Variants in ZNF155 observed in about 807,000 individuals in gnomAD.
ZNF155 encodes zinc finger protein 155.
In ZNF155, 15 loss-of-function variants were observed where a neutral mutation model predicts 11.9. That is an observed-to-expected ratio of 1.26 (90% CI 0.84 to 1.94). ZNF155 has a LOEUF of 1.94. Among genes scored for constraint, ZNF155 ranks in the 30% most tolerant of loss-of-function variants. The pLI, the probability that ZNF155 is intolerant of heterozygous loss-of-function variation, is 0.00. For missense variants in ZNF155, 602 were observed against 639.1 expected (o/e 0.94, Z 0.63); for synonymous variants, 212 against 219.9 (o/e 0.96, Z 0.32).
chr19:43,996,972 A>G lies in ZNF155; in HGVS notation c.1115A>G (p.Tyr372Cys), dbSNP rs766588468. ...GTGGTCCACACAGGAGAAAAACCAT[A>G]TAATTGTAAAGAATGTGGGAAGAGC... ...HQVVHTGEKP[Y>C]NCKECGKSFR... Residue 372 changes from tyrosine (Y) to cysteine (C), a missense_variant, in exon 5 of 5, where the codon TAT becomes TGT. By Grantham distance (194) the Tyr-to-Cys change is radical. Coordinates refer to ENST00000270014, the MANE Select transcript of ZNF155 (RefSeq NM_198089.3). The G allele has an allele frequency of 1.2e-4, 195 of 1,614,052 alleles. No individual in the cohort carries two copies. Among genetic ancestry groups the G allele is most frequent in the South Asian group, 6.0e-4 (55 of 91,084 alleles).
intron 4 of ZNF155, among the ~76,000 whole-genome samples, chr19:43,993,131 G>A (rs1299509128): frequency 1.3e-5 from 2 of 152,170 alleles, no homozygotes; most frequent in African/African-American, 2.4e-5. Flanking sequence ...GTACTAGAAG[G>A]GGGAAGAATG....
chr19:43,988,820 C>G, intron 2 of ZNF155: 1 of 357,310 alleles, frequency 2.8e-6, no homozygotes, highest in Non-Finnish European at 5.0e-6. Flanking sequence ...CCTCCCCTCT[C>G]TCAAATTATC....
At position 43,996,665 on chromosome 19, in the gene ZNF155, A is replaced by C; in HGVS notation, c.808A>C (p.Ile270Leu). Residue 270 changes from isoleucine to leucine, a missense_variant, in exon 5 of 5, where the codon ATT becomes CTT. Coordinates refer to ENST00000270014, the MANE Select transcript of ZNF155 (RefSeq NM_198089.3). Reference protein sequence around the residue: ...YICEACGKAFIHDSQLKEHKR... With the variant: ...YICEACGKAFLHDSQLKEHKR... ...TTGTGAGGCATGTGGGAAGGCCTTC[A>C]TTCATGATTCCCAGCTTAAGGAACA... 6.2e-7 allele frequency: 1 copy of C among 1,614,106 alleles called. No homozygotes were observed. Among genetic ancestry groups the C allele is most frequent in the Non-Finnish European group, 8.5e-7 (1 of 1,180,006 alleles).
chr19:43,990,287 G>A (rs1299134570), intron 2 of ZNF155, among the ~76,000 whole-genome samples: 1 of 152,066 alleles, frequency 6.6e-6, no homozygotes, highest in African/African-American at 2.4e-5. Context: ...GATTGATAAT[G>A]GAAAATATGT....
intron 2 of ZNF155, among the ~76,000 whole-genome samples, chr19:43,990,820 A>G (rs894875853): frequency 2.0e-4 from 30 of 152,348 alleles, no homozygotes; most frequent in African/African-American, 7.0e-4. Context: ...AAGGGAGCAC[A>G]GGAGTGTAGG....
chr19:43,985,525 C>A (rs995911001), intron 1 of ZNF155, among the ~76,000 whole-genome samples: 2 of 118,200 alleles, frequency 1.7e-5, no homozygotes, highest in African/African-American at 5.9e-5. Flanking sequence ...AAAGGTATTG[C>A]TCTTTTTCTT....
Position 43,997,085 on chromosome 19 carries a change from T to G in ZNF155, c.1228T>G (p.Tyr410Asp), listed in dbSNP as rs1975914429. Residue 410 changes from tyrosine (Y) to aspartate (D), a missense_variant, in exon 5 of 5, where the codon TAT becomes GAT. Physicochemically the swap from Tyr to Asp is radical, Grantham distance 160 (BLOSUM62 -3). Transcript: ENST00000270014. ...ATGTGAAGAATGTGGAAAGGGATTT[T>G]ATACAAATTCACAACTGTCTTCCCA... ...FKCEECGKGF[Y>D]TNSQLSSHQR... is the part of the protein sequence containing the mutation. 1 of 1,613,368 alleles carries G rather than the reference T, an allele frequency of 6.2e-7. No homozygotes were observed. The highest frequency in any genetic ancestry group is 1.3e-5 in the African/African-American group (1 of 74,908).
At chr19:43,993,234 A>G (rs1459067547) in intron 4 of ZNF155, among the ~76,000 whole-genome samples, 1 of 152,172 alleles carries the variant, frequency 6.6e-6, no homozygotes, top group African/African-American at 2.4e-5. Flanking sequence ...TCTTTATGTC[A>G]TACAAGTTTT....
intron 1 of ZNF155, among the ~76,000 whole-genome samples, chr19:43,987,139 C>T (rs16976961): frequency 0.011 from 1,630 of 152,194 alleles, 38 homozygotes; most frequent in African/African-American, 0.038. Context: ...ACTAATTGTG[C>T]TTATAGTGTT....
chr19:43,989,212 G>A (rs890460971), intron 2 of ZNF155, among the ~76,000 whole-genome samples: 5 of 152,192 alleles, frequency 3.3e-5, no homozygotes, highest in African/African-American at 9.6e-5. Context: ...AAATATTGTT[G>A]GAGTTTTCAC....
At chr19:43,991,230 T>A (rs991747194) in intron 2 of ZNF155, among the ~76,000 whole-genome samples, 1 of 152,142 alleles carries the variant, frequency 6.6e-6, no homozygotes, top group Non-Finnish European at 1.5e-5. Flanking sequence ...CTGGGGCAGT[T>A]GGCAAGATGT....
chr19:43,995,470 C>T (rs934559428), intron 4 of ZNF155, among the ~76,000 whole-genome samples: 2 of 149,798 alleles, frequency 1.3e-5, no homozygotes, highest in African/African-American at 2.5e-5. Flanking sequence ...CTGCAACTTC[C>T]ACCTCCCAGG....
chr19:43,996,855 G>A lies in ZNF155; in HGVS notation c.998G>A (p.Arg333Lys). The A allele has an allele frequency of 6.2e-7, 1 of 1,613,928 alleles. No individual in the cohort carries two copies. Among genetic ancestry groups the A allele is most frequent in the Non-Finnish European group, 8.5e-7 (1 of 1,179,992 alleles). Residue 333 changes from arginine to lysine, a missense_variant, in exon 5 of 5, where the codon AGG becomes AAG. Coordinates refer to ENST00000270014, the MANE Select transcript of ZNF155 (RefSeq NM_198089.3). Reference protein sequence around the residue: ...KSFHQRSALNRHCMVHTGEKP... With the variant: ...KSFHQRSALNKHCMVHTGEKP... ...TTTCATCAGAGATCAGCACTTAATA[G>A]GCATTGCATGGTCCACACAGGAGAG...
At position 43,991,873 on chromosome 19, in the gene ZNF155, C is replaced by T; in HGVS notation, c.174C>T (p.His58=). 1 of 1,614,052 alleles carries T rather than the reference C, an allele frequency of 6.2e-7. No individual in the cohort carries two copies. Among genetic ancestry groups the T allele is most frequent in the Non-Finnish European group, 8.5e-7 (1 of 1,179,954 alleles). The change falls in exon 4 of 5, where the codon CAC becomes CAT. Residue 58 remains histidine (H), a synonymous_variant. Coordinates refer to ENST00000270014, the MANE Select transcript of ZNF155 (RefSeq NM_198089.3). Reference sequence around the variant, plus strand: ...AACCGTTCCACCAAGATACTTGCCACTTCCTAAGGGAAGAAAAGTTTTGGA... The same window carrying T: ...AACCGTTCCACCAAGATACTTGCCATTTCCTAAGGGAAGAAAAGTTTTGGA... The part of the protein sequence containing the change: ...GHQPFHQDTC[H]FLREEKFWMM...
chr19:43,993,968 A>G (rs145310123), intron 4 of ZNF155, among the ~76,000 whole-genome samples: 38 of 152,320 alleles, frequency 2.5e-4, no homozygotes, highest in Admixed American at 1.5e-3. Context: ...GTAGATGTGT[A>G]TGAGTGACTC....
rs757940863 is a variant in ZNF155 at position 43,996,466 on chromosome 19, C to G, written c.609C>G (p.Leu203=). ...VHQRVHVGEK[L]FMCDVCGKEF... is the part of the protein sequence containing the mutation. ...AGAGAGTCCACGTGGGAGAGAAACT[C>G]TTTATGTGTGATGTGTGTGGCAAGG... The change falls in exon 5 of 5, where the codon CTC becomes CTG. Residue 203 remains leucine, a synonymous_variant. Transcript: ENST00000270014. The G allele has an allele frequency of 6.2e-7, 1 of 1,614,112 alleles. No individual in the cohort carries two copies. The highest frequency in any genetic ancestry group is 8.5e-7 in the Non-Finnish European group (1 of 1,180,026).
intron 4 of ZNF155, among the ~76,000 whole-genome samples, chr19:43,992,474 C>T (rs1175202608): frequency 1.3e-5 from 2 of 152,210 alleles, no homozygotes; most frequent in Non-Finnish European, 2.9e-5. Flanking sequence ...TTTGTTTCTG[C>T]CTGAATGTTC....
intron 4 of ZNF155, among the ~76,000 whole-genome samples, chr19:43,994,019 T>C (rs1975751042): frequency 6.6e-6 from 1 of 152,262 alleles, no homozygotes; most frequent in Non-Finnish European, 1.5e-5. Context: ...CTGCTTGTCA[T>C]GATGCTGTGA....
At position 43,997,763 on chromosome 19, in the gene ZNF155, G is replaced by C. The variant is rs749591686; in HGVS notation, c.*289G>C. On this transcript the variant is annotated 3_prime_UTR_variant, in exon 5 of 5. Transcript: ENST00000270014. ...GAACTAGCACAGGGGATTGTGCCTG[G>C]AGACATGCCCATGGCTGCACAGATA... is the stretch of plus-strand genomic sequence containing the variant. 3.1e-5 allele frequency: 10 copies of C among 319,062 alleles called. No homozygotes were observed. The highest frequency in any genetic ancestry group is 9.4e-5 in the Admixed American group (2 of 21,338). The allele number at this position is 319,062 out of a possible 1,614,324, so 19.8% of individuals were successfully genotyped here.
Sources: allele counts gnomAD v4.1 joint callset (sites outside exome capture counted in the v4.1 genomes callset), GRCh38; gene constraint gnomAD v4.1.1; transcripts MANE v1.5; gene names NCBI Gene and HGNC (gene_info 2026-07-23, HGNC 2026-07-21).